TRAPPC9: variants seen among roughly 807,000 people sequenced by gnomAD.
TRAPPC9 encodes trafficking protein particle complex subunit 9, also known as IKK2 binding protein.
In TRAPPC9, 83 loss-of-function variants were observed where a neutral mutation model predicts 124.0. The observed-to-expected ratio is 0.67, with a 90% confidence interval of 0.56 to 0.80. TRAPPC9 has a LOEUF of 0.80. Ranked by LOEUF, TRAPPC9 falls within the 30% of genes least tolerant of loss-of-function variation. The probability of loss-of-function intolerance (pLI) is 0.00; values close to 1 mark genes in which losing one functional copy is unlikely to be tolerated. For missense variants in TRAPPC9, 1,302 were observed against 1,508.3 expected (o/e 0.86, Z 2.27); for synonymous variants, 638 against 617.5 (o/e 1.03, Z -0.49).
At chr8:139,951,626 G>A (rs554940176) in intron 19 of TRAPPC9, among the ~76,000 whole-genome samples, 3 of 152,328 alleles carry the variant, frequency 2.0e-5, no homozygotes, top group Non-Finnish European at 2.9e-5. Context: ...AGGAGAAGCT[G>A]TACCTCAAGC....
chr8:140,148,195 C>G (rs1459022769), intron 17 of TRAPPC9, among the ~76,000 whole-genome samples: 9 of 152,160 alleles, frequency 5.9e-5, no homozygotes, highest in Non-Finnish European at 1.3e-4. Flanking sequence ...CAGAAGGAGT[C>G]AGATGTATCC....
At chr8:139,895,240 C>G (rs1325982877) in intron 20 of TRAPPC9, among the ~76,000 whole-genome samples, 1 of 152,190 alleles carries the variant, frequency 6.6e-6, no homozygotes, top group Non-Finnish European at 1.5e-5. Flanking sequence ...GGGGGGCACA[C>G]AGGCATGCTC....
At chr8:140,079,324 G>A (rs374517271) in intron 17 of TRAPPC9, among the ~76,000 whole-genome samples, 20 of 152,128 alleles carry the variant, frequency 1.3e-4, no homozygotes, top group African/African-American at 4.3e-4. Flanking sequence ...TCTGAGAAGA[G>A]TTCAGACTTT....
rs566487145 is a variant in TRAPPC9 at position 140,152,619 on chromosome 8, C to T, written c.2556+68840G>A. On this transcript the variant is annotated intron_variant, in intron 17 of 22. Transcript: ENST00000438773. The stretch of plus-strand genomic sequence containing the variant: ...TCCTGACCTCGTGATCCACCCGCCT[C>T]GGCCTCCCAAAGTGCTGGGATTACA... Among the ~76,000 whole-genome samples the T allele has an allele frequency of 7.9e-5, 12 of 152,018 alleles. 1 individual carries two copies. The South Asian group carries it at 2.3e-3, about 29-fold the overall frequency.
At chr8:139,817,543 G>T (rs1203167020) in intron 21 of TRAPPC9, among the ~76,000 whole-genome samples, 1 of 152,244 alleles carries the variant, frequency 6.6e-6, no homozygotes, top group Non-Finnish European at 1.5e-5. Flanking sequence ...GTGCCCTCCT[G>T]GTCTCCTGCC....
chr8:140,127,835 T>C lies in TRAPPC9; in HGVS notation c.2556+93624A>G, dbSNP rs868198817. On this transcript the variant is annotated intron_variant, in intron 17 of 22. Transcript: ENST00000438773. ...CTCAGTTTACAAATTTGTGTTGCTC[T>C]ACCAGCTTCTTTCTTGCCAAAAATG... Among the ~76,000 whole-genome samples, 5 of 152,362 alleles carry C rather than the reference T, an allele frequency of 3.3e-5. No homozygotes were observed. The Middle Eastern group carries it at 0.014, about 415-fold the overall frequency.
intron 15 of TRAPPC9, among the ~76,000 whole-genome samples, chr8:140,255,115 C>T (rs954719075): frequency 6.6e-5 from 10 of 152,350 alleles, no homozygotes; most frequent in African/African-American, 1.7e-4. Context: ...GTCTGACAGA[C>T]GGCGTTTATG....
At chr8:139,824,708 G>A (rs1825500888) in intron 21 of TRAPPC9, among the ~76,000 whole-genome samples, 1 of 152,100 alleles carries the variant, frequency 6.6e-6, no homozygotes, top group South Asian at 2.1e-4. Flanking sequence ...CTATAGGCAA[G>A]TACCACTACG....
At chr8:139,789,533 G>C (rs1231452617) in intron 21 of TRAPPC9, among the ~76,000 whole-genome samples, 3 of 152,156 alleles carry the variant, frequency 2.0e-5, no homozygotes, top group Non-Finnish European at 4.4e-5. Context: ...GGAGGGGCGA[G>C]TGCCTCTCTG....
chr8:139,896,235 C>T (rs551455264), intron 20 of TRAPPC9, among the ~76,000 whole-genome samples: 1 of 152,318 alleles, frequency 6.6e-6, no homozygotes, highest in Non-Finnish European at 1.5e-5. Flanking sequence ...AATACTACAA[C>T]ATACAGTGGC....
intron 11 of TRAPPC9, among the ~76,000 whole-genome samples, chr8:140,295,487 C>T (rs1222422435): frequency 6.6e-6 from 1 of 152,176 alleles, no homozygotes. Flanking sequence ...CAGCAGTCGA[C>T]CTTGGCACTA....
At chr8:140,154,645 G>A (rs1406232687) in intron 17 of TRAPPC9, among the ~76,000 whole-genome samples, 1 of 152,100 alleles carries the variant, frequency 6.6e-6, no homozygotes, top group African/African-American at 2.4e-5. Context: ...ATCTCAGCTT[G>A]CACTTCATCT....
At chr8:139,851,886 G>A (rs1827490865) in intron 21 of TRAPPC9, among the ~76,000 whole-genome samples, 1 of 152,152 alleles carries the variant, frequency 6.6e-6, no homozygotes, top group South Asian at 2.1e-4. Context: ...GAAGGACACT[G>A]GATTTGGTGA....
intron 4 of TRAPPC9, among the ~76,000 whole-genome samples, chr8:140,429,227 G>A (rs1049879276): frequency 3.9e-5 from 6 of 151,972 alleles, no homozygotes; most frequent in Admixed American, 2.6e-4. Context: ...GACTACAGGT[G>A]CGCACCACCA....
At chr8:140,442,157 C>T (rs2071039280) in intron 2 of TRAPPC9, among the ~76,000 whole-genome samples, 3 of 152,192 alleles carry the variant, frequency 2.0e-5, no homozygotes, top group African/African-American at 4.8e-5. Context: ...CTTCTAAATA[C>T]ATAACTTGTT....
At chr8:140,345,291 TGAG>T (rs1484262816) in intron 9 of TRAPPC9, among the ~76,000 whole-genome samples, 1 of 151,612 alleles carries the variant, frequency 6.6e-6, no homozygotes, top group Non-Finnish European at 1.5e-5. Flanking sequence ...AGGTACTGAG[TGAG>T]GAGAAGTAGC....
chr8:140,112,364 G>C (rs1252500260), intron 17 of TRAPPC9, among the ~76,000 whole-genome samples: 4 of 150,122 alleles, frequency 2.7e-5, no homozygotes, highest in Non-Finnish European at 5.9e-5. Flanking sequence ...GGAGAGGAAT[G>C]GAGAATTCCA....
intron 20 of TRAPPC9, among the ~76,000 whole-genome samples, chr8:139,906,894 T>G (rs1831400917): frequency 6.6e-6 from 1 of 152,174 alleles, no homozygotes; most frequent in South Asian, 2.1e-4. Context: ...GTGGCCATGC[T>G]CATACCCTGC....
At chr8:140,306,862 CA>C (rs1321494108) in intron 10 of TRAPPC9, among the ~76,000 whole-genome samples, 1 of 152,162 alleles carries the variant, frequency 6.6e-6, no homozygotes, top group East Asian at 1.9e-4. Flanking sequence ...ATAGGCATTA[CA>C]GGTCACAAAC....
Sources: allele counts gnomAD v4.1 joint callset (sites outside exome capture counted in the v4.1 genomes callset), GRCh38; gene constraint gnomAD v4.1.1; transcripts MANE v1.5; gene names NCBI Gene and HGNC (gene_info 2026-07-23, HGNC 2026-07-21).